SH3RF3: variants seen among roughly 807,000 people sequenced by gnomAD.
SH3RF3 encodes SH3 domain containing ring finger 3.
SH3RF3 carries 29 observed loss-of-function variants against 66.3 expected under a neutral mutation model. That is an observed-to-expected ratio of 0.44 (90% confidence interval 0.33 to 0.60). SH3RF3 has a LOEUF of 0.60. Among genes scored for constraint, SH3RF3 ranks in the 20% least tolerant of loss-of-function variants. SH3RF3 has a pLI of 0.04. For synonymous variants in SH3RF3, 583 were observed against 532.0 expected (o/e 1.10, Z -1.32); for missense variants, 1,194 against 1,190.9 (o/e 1.00, Z -0.04).
At chr2:109,223,189 T>C (rs1275696436) in intron 1 of SH3RF3, among the ~76,000 whole-genome samples, 4 of 152,222 alleles carry the variant, frequency 2.6e-5, no homozygotes, top group Non-Finnish European at 5.9e-5. Context: ...CCACAGATCA[T>C]GAATGCTTTG....
intron 1 of SH3RF3, among the ~76,000 whole-genome samples, chr2:109,161,246 G>T (rs1379196015): frequency 1.3e-5 from 2 of 152,170 alleles, no homozygotes; most frequent in Non-Finnish European, 2.9e-5. Context: ...AGTCAGGCAC[G>T]AGTATGCAGT....
chr2:109,279,878 T>C (rs1680842505), intron 1 of SH3RF3, among the ~76,000 whole-genome samples: 1 of 148,320 alleles, frequency 6.7e-6, no homozygotes, highest in Admixed American at 6.7e-5. Context: ...TATGGGCCCC[T>C]GGGGGGTGAG....
At chr2:109,139,252 C>T (rs1676882857) in intron 1 of SH3RF3, among the ~76,000 whole-genome samples, 1 of 152,100 alleles carries the variant, frequency 6.6e-6, no homozygotes, top group Non-Finnish European at 1.5e-5. Flanking sequence ...TGCAGAGCAT[C>T]AAGAATGTAG....
At chr2:109,388,075 A>T (rs1453286430) in intron 3 of SH3RF3, among the ~76,000 whole-genome samples, 1 of 151,868 alleles carries the variant, frequency 6.6e-6, no homozygotes, top group Non-Finnish European at 1.5e-5. Flanking sequence ...ACAACTCTTG[A>T]CCCCTGTGCA....
rs33913705 is a variant in SH3RF3 at position 109,143,809 on chromosome 2, TAC to T, written c.573+13719_573+13720del. ...AAAAGGCTGCCTGTGCTGTGCTGTA[TAC>T]ACACACACACACACACACACACGTA... On this transcript the variant is annotated intron_variant, in intron 1 of 9. Coordinates refer to ENST00000309415, the MANE Select transcript of SH3RF3 (RefSeq NM_001099289.3). 2.5e-3 allele frequency among the ~76,000 whole-genome samples: 376 copies of T among 148,692 alleles called. 1 individual carries two copies. Among genetic ancestry groups the T allele is most frequent in the Middle Eastern group, 6.9e-3 (2 of 290 alleles).
intron 1 of SH3RF3, among the ~76,000 whole-genome samples, chr2:109,264,235 G>A (rs1173119809): frequency 6.9e-6 from 1 of 143,890 alleles, no homozygotes; most frequent in Non-Finnish European, 1.5e-5. Flanking sequence ...GTCTGTGGGT[G>A]CTCCCTGTCC....
intron 1 of SH3RF3, among the ~76,000 whole-genome samples, chr2:109,238,844 T>TG (rs1302253585): frequency 1.3e-5 from 2 of 152,118 alleles, no homozygotes; most frequent in South Asian, 4.2e-4. Context: ...GCAGCCAGTG[T>TG]GGGGGGCAGT....
In SH3RF3 at chr2:109,133,856, A is replaced by G. The variant is rs1180895245; in HGVS notation, c.573+3743A>G. On this transcript the variant is annotated intron_variant, in intron 1 of 9. Transcript: ENST00000309415. ...TAAGGACAACAGATCCCTGATAAGC[A>G]CAGGCTTCCCCAGGCAGGAGTGGCT... Among the ~76,000 whole-genome samples the G allele has an allele frequency of 3.3e-5, 5 of 152,026 alleles. No individual in the cohort carries two copies. The East Asian group carries it at 5.8e-4, about 18-fold the overall frequency.
intron 4 of SH3RF3, among the ~76,000 whole-genome samples, chr2:109,401,456 C>G (rs1447977756): frequency 3.3e-5 from 5 of 152,186 alleles, no homozygotes; most frequent in African/African-American, 9.7e-5. Flanking sequence ...AGAGGGAGGG[C>G]CCTTCTTCCT....
intron 1 of SH3RF3, among the ~76,000 whole-genome samples, chr2:109,139,822 C>A (rs1391756231): frequency 1.3e-5 from 2 of 152,168 alleles, no homozygotes; most frequent in Non-Finnish European, 2.9e-5. Context: ...CACCTCTTTG[C>A]CAAAGACCAA....
intron 1 of SH3RF3, among the ~76,000 whole-genome samples, chr2:109,210,972 A>T (rs1678961040): frequency 6.6e-6 from 1 of 152,068 alleles, no homozygotes; most frequent in East Asian, 1.9e-4. Flanking sequence ...TTGGGGATGG[A>T]TGGGGTGCAC....
chr2:109,163,900 C>T (rs1022820139), intron 1 of SH3RF3, among the ~76,000 whole-genome samples: 14 of 152,212 alleles, frequency 9.2e-5, no homozygotes, highest in Non-Finnish European at 1.9e-4. Flanking sequence ...AAAGAATGCA[C>T]TTAGAGTTTG....
chr2:109,408,625 G>A (rs1573227917), intron 4 of SH3RF3, among the ~76,000 whole-genome samples: 1 of 152,348 alleles, frequency 6.6e-6, no homozygotes, highest in Middle Eastern at 3.4e-3. Flanking sequence ...TTCCCTCTCT[G>A]TACAGGCAAT....
intron 2 of SH3RF3, among the ~76,000 whole-genome samples, chr2:109,354,576 G>T (rs1682907552): frequency 6.6e-6 from 1 of 152,368 alleles, no homozygotes; most frequent in South Asian, 2.1e-4. Context: ...AAGGTTTTCA[G>T]TGATCGTGGC....
intron 1 of SH3RF3, among the ~76,000 whole-genome samples, chr2:109,168,158 G>A (rs975523189): frequency 6.6e-6 from 1 of 152,192 alleles, no homozygotes; most frequent in African/African-American, 2.4e-5. Flanking sequence ...CTTTCAGGAA[G>A]CCAAAACAGC....
chr2:109,313,244 A>G (rs982649456), intron 1 of SH3RF3, among the ~76,000 whole-genome samples: 4 of 152,184 alleles, frequency 2.6e-5, no homozygotes, highest in Non-Finnish European at 5.9e-5. Context: ...TGATATCAGG[A>G]TCCCTATTCC....
In SH3RF3 at chr2:109,129,659, C is replaced by A; in HGVS notation, c.119C>A (p.Ala40Glu). The A allele has an allele frequency of 6.6e-7, 1 of 1,506,166 alleles. No homozygotes were observed. The highest frequency in any genetic ancestry group is 8.8e-7 in the Non-Finnish European group (1 of 1,134,250). The allele number at this position is 1,506,166 out of a possible 1,614,324, so 93.3% of individuals were successfully genotyped here. A position where few individuals can be genotyped will look rare whatever the true frequency, so the allele number is the denominator to read the frequency against. Residue 40 changes from alanine (A) to glutamate (E), a missense_variant, in exon 1 of 10, where the codon GCG becomes GAG. Coordinates refer to ENST00000309415, the MANE Select transcript of SH3RF3 (RefSeq NM_001099289.3). Reference sequence around the variant, plus strand: ...CGGCGTCGGGCGGCGGCCACCGCCGCGGGGGCGGGCGAGGACATGGACGAG... The same window carrying A: ...CGGCGTCGGGCGGCGGCCACCGCCGAGGGGGCGGGCGAGGACATGGACGAG... ...RRRRRAAATA[A>E]GAGEDMDESS...
At position 109,419,488 on chromosome 2, in the gene SH3RF3, T is replaced by C. The variant is rs78224397; in HGVS notation, c.1300-51T>C. ...GCCTCATTTTGCTTTTCTCTTTCCCTTGGATGGAGTCTCTGTCTCCTCACT... is the reference window on the plus strand; with the variant it reads ...GCCTCATTTTGCTTTTCTCTTTCCCCTGGATGGAGTCTCTGTCTCCTCACT... On this transcript the variant is annotated intron_variant, in intron 4 of 9. Coordinates refer to ENST00000309415, the MANE Select transcript of SH3RF3 (RefSeq NM_001099289.3). 6.5e-3 allele frequency: 10,024 copies of C among 1,531,780 alleles called. 59 individuals are homozygous for C. The highest frequency in any genetic ancestry group is 7.8e-3 in the Non-Finnish European group (8,841 of 1,131,868). The allele number at this position is 1,531,780 out of a possible 1,614,324, so 94.9% of individuals were successfully genotyped here. A position where few individuals can be genotyped will look rare whatever the true frequency, so the allele number is the denominator to read the frequency against.
intron 1 of SH3RF3, among the ~76,000 whole-genome samples, chr2:109,196,603 C>T (rs1171304286): frequency 6.6e-6 from 1 of 152,164 alleles, no homozygotes; most frequent in African/African-American, 2.4e-5. Flanking sequence ...TGGAGTTGGC[C>T]TTGAAACTCC....
Sources: allele counts gnomAD v4.1 joint callset (sites outside exome capture counted in the v4.1 genomes callset), GRCh38; gene constraint gnomAD v4.1.1; transcripts MANE v1.5; gene names NCBI Gene and HGNC (gene_info 2026-07-23, HGNC 2026-07-21).